DMBT1: variants seen among roughly 807,000 people sequenced by gnomAD.
DMBT1 encodes the protein deleted in malignant brain tumors 1.
In DMBT1, 198 loss-of-function variants were observed where a neutral mutation model predicts 252.9. The ratio of observed to expected loss-of-function variants is 0.78; its 90% CI spans 0.70 to 0.88. DMBT1 has a LOEUF of 0.88. Ranked by LOEUF, DMBT1 falls within the 40% of genes least tolerant of loss-of-function variation. The probability of loss-of-function intolerance (pLI) is 0.00; values close to 1 mark genes in which losing one functional copy is unlikely to be tolerated. For synonymous variants in DMBT1, 990 were observed against 942.7 expected (o/e 1.05, Z -0.92); for missense variants, 2,432 against 2,404.7 (o/e 1.01, Z -0.24).
chr10:122,597,333 T>A (rs3013248), intron 24 of DMBT1, among the ~76,000 whole-genome samples: 26 of 152,256 alleles, frequency 1.7e-4, no homozygotes, highest in South Asian at 1.5e-3. Flanking sequence ...TCATATTTAA[T>A]TAGCTTTGGC....
intron 17 of DMBT1, 42 bp from the exon 18 acceptor site, chr10:122,590,623 C>G: frequency 6.3e-7 from 1 of 1,584,964 alleles, no homozygotes; most frequent in Non-Finnish European, 8.6e-7. Context: ...GTTTTGCCAG[C>G]TTCTGTATAG....
Position 122,600,559 on chromosome 10 carries a change from TG to T in DMBT1, c.3311-429del, listed in dbSNP as rs2097940288. Reference sequence around the variant, plus strand: ...ATCCAGAAAAGGCAGAGTTTGTGCTTGGGCAGGGAGAGGGATAATAAAGGTT... The same window carrying T: ...ATCCAGAAAAGGCAGAGTTTGTGCTTGGCAGGGAGAGGGATAATAAAGGTT... On this transcript the variant is annotated intron_variant, in intron 27 of 55. Transcript: ENST00000338354. 4.6e-5 allele frequency among the ~76,000 whole-genome samples: 7 copies of T among 152,320 alleles called. No homozygotes were observed. In the South Asian group the frequency reaches 1.5e-3, roughly 32 times the overall value.
intron 49 of DMBT1, 104 bp from the exon 50 acceptor site, chr10:122,631,751 G>A (rs1470929325): frequency 1.2e-5 from 16 of 1,314,776 alleles, no homozygotes; most frequent in African/African-American, 2.9e-5. Context: ...CCCTCGCCGA[G>A]GGGGGTCAGG....
At chr10:122,571,639 G>A (rs1367918704) in intron 4 of DMBT1, among the ~76,000 whole-genome samples, 1 of 152,300 alleles carries the variant, frequency 6.6e-6, no homozygotes, top group Non-Finnish European at 1.5e-5. Flanking sequence ...GACACCAAGA[G>A]ATTTCTTTAA....
At chr10:122,598,687 A>T in intron 25 of DMBT1, 87 bp from the exon 26 acceptor site, 2 of 1,599,606 alleles carry the variant, frequency 1.3e-6, no homozygotes, top group Middle Eastern at 2.3e-4. Flanking sequence ...GACTTTAGCC[A>T]TTAGGACATG....
At chr10:122,638,727 A>G (rs1164225068) in intron 54 of DMBT1, among the ~76,000 whole-genome samples, 1 of 152,212 alleles carries the variant, frequency 6.6e-6, no homozygotes, top group African/African-American at 2.4e-5. Flanking sequence ...TACGGGCATG[A>G]ACCACTGCTC....
chr10:122,625,359 T>C, intron 45 of DMBT1, 56 bp downstream of exon 45: 1 of 1,542,478 alleles, frequency 6.5e-7, no homozygotes, highest in Middle Eastern at 1.7e-4. Context: ...CCACCCTCTC[T>C]TGTTTCCAGA....
chr10:122,627,750 A>G (rs1297566642), intron 46 of DMBT1, among the ~76,000 whole-genome samples: 1 of 152,260 alleles, frequency 6.6e-6, no homozygotes, highest in Non-Finnish European at 1.5e-5. Context: ...CATGATCTTC[A>G]AGAAACACTG....
Position 122,590,671 on chromosome 10 carries a change from A to T in DMBT1, c.2114A>T (p.Gln705Leu). 6.3e-7 allele frequency: 1 copy of T among 1,587,910 alleles called. No individual in the cohort carries two copies. Among genetic ancestry groups the T allele is most frequent in the African/African-American group, 1.3e-5 (1 of 74,594 alleles). Residue 705 changes from glutamine (Q) to leucine (L), a missense_variant, in exon 18 of 56, where the codon CAG becomes CTG. Physicochemically the swap from Gln to Leu is moderately radical, Grantham distance 113. Around this residue, in one of 3 missense-constraint regions of DMBT1, gnomAD observed 1,264 missense variants for 1,082.2 expected, o/e 1.17. Transcript: ENST00000338354. ...EDAGVICSAA[Q>L]SRSTPRPDTL... is the part of the protein sequence containing the mutation. ...GACCTCCTCTTTCTCACAGCTGCCCAGTCCCGGTCGACGCCCAGGCCAGGT... is the reference window on the plus strand; with the variant it reads ...GACCTCCTCTTTCTCACAGCTGCCCTGTCCCGGTCGACGCCCAGGCCAGGT...
rs778761716 is a variant in DMBT1, at chr10:122,640,446, G to A, written c.7349G>A (p.Ser2450Asn). The part of the protein sequence containing the change: ...FTSLTYDLIR[S>N]GCVRDDTYGP... Reference sequence around the variant, plus strand: ...TCTTTGACTTATGATCTAATCCGGAGTGGGTAAGGAGTGTCTTTATGCGAT... The same window carrying A: ...TCTTTGACTTATGATCTAATCCGGAATGGGTAAGGAGTGTCTTTATGCGAT... Residue 2450 changes from serine (S) to asparagine (N), a missense_variant, in exon 55 of 56, where the codon AGT becomes AAT. Physicochemically the swap from Ser to Asn is conservative, Grantham distance 46. Transcript: ENST00000338354. 4 of 1,611,366 alleles carry A rather than the reference G, an allele frequency of 2.5e-6. No individual in the cohort carries two copies. The highest frequency in any genetic ancestry group is 3.4e-6 in the Non-Finnish European group (4 of 1,178,906).
At position 122,598,983 on chromosome 10, in the gene DMBT1, G is replaced by C. The variant is rs2097912832; in HGVS notation, c.3166G>C (p.Val1056Leu). The C allele has an allele frequency of 6.2e-7, 1 of 1,613,770 alleles. No homozygotes were observed. The highest frequency in any genetic ancestry group is 1.1e-5 in the South Asian group (1 of 91,072). ...ARFGQGSGPI[V>L]LDDVRCSGHE... is the part of the protein sequence containing the mutation. ...GTTTGGTCAGGGCTCAGGACCCATTGTCCTGGATGATGTGCGCTGCTCAGG... is the reference window on the plus strand; with the variant it reads ...GTTTGGTCAGGGCTCAGGACCCATTCTCCTGGATGATGTGCGCTGCTCAGG... The change falls in exon 26 of 56, where the codon GTC becomes CTC. Residue 1056 changes from valine to leucine, a missense_variant. Physicochemically the swap from Val to Leu is conservative, Grantham distance 32. This residue lies in a region of DMBT1 where 1,264 missense variants were observed against 1,082.2 expected (regional missense o/e 1.17). Transcript: ENST00000338354.
intron 20 of DMBT1, among the ~76,000 whole-genome samples, chr10:122,592,962 C>G (rs12770913): frequency 0.064 from 9,580 of 148,618 alleles, 1,197 homozygotes; most frequent in South Asian, 0.15. Context: ...GGAATCCTCT[C>G]ACTGAGAGGA....
intron 20 of DMBT1, among the ~76,000 whole-genome samples, chr10:122,593,123 G>A (rs1195701920): frequency 2.0e-5 from 3 of 148,948 alleles, no homozygotes; most frequent in Non-Finnish European, 4.5e-5. Flanking sequence ...TTGACCTCAG[G>A]TCCTCTCAGA....
intron 52 of DMBT1, 83 bp from the exon 53 acceptor site, chr10:122,635,908 G>T (rs2098223311): frequency 1.4e-6 from 2 of 1,460,748 alleles, no homozygotes; most frequent in South Asian, 2.4e-5. Flanking sequence ...CTGGCACAGA[G>T]GTGTGACCCC....
At chr10:122,631,392 G>A (rs2098163924) in intron 49 of DMBT1, 111 bp downstream of exon 49, 4 of 1,384,004 alleles carry the variant, frequency 2.9e-6, no homozygotes, top group South Asian at 2.6e-5. Context: ...TGGTCATTGT[G>A]TCCTCGTGGC....
At chr10:122,573,571 T>C (rs1175198132) in intron 5 of DMBT1, 144 bp from the exon 6 acceptor site, 1 of 1,007,794 alleles carries the variant, frequency 9.9e-7, no homozygotes, top group East Asian at 2.4e-5. Flanking sequence ...GACAAAGCGA[T>C]TGGCACATGG....
chr10:122,625,286 T>G lies in DMBT1; in HGVS notation c.5618T>G (p.Ile1873Arg). The G allele has an allele frequency of 6.2e-7, 1 of 1,611,364 alleles. No individual in the cohort carries two copies. The highest frequency in any genetic ancestry group is 1.3e-5 in the African/African-American group (1 of 75,038). Reference protein sequence around the residue: ...DAGVICSATQINSTTTDWWHP... With the variant: ...DAGVICSATQRNSTTTDWWHP... Reference sequence around the variant, plus strand: ...CTTCTTTTCCTTGCAGCCACCCAAATAAATTCTACTACGACAGGTGAGTCT... The same window carrying G: ...CTTCTTTTCCTTGCAGCCACCCAAAGAAATTCTACTACGACAGGTGAGTCT... The change falls in exon 45 of 56, where the codon ATA becomes AGA. Residue 1873 changes from isoleucine to arginine, a missense_variant. Transcript: ENST00000338354.
chr10:122,588,211 C>A (rs912470364), intron 16 of DMBT1, among the ~76,000 whole-genome samples: 1 of 148,200 alleles, frequency 6.7e-6, no homozygotes, highest in Admixed American at 6.7e-5. Flanking sequence ...TACTTCTGGA[C>A]AAATGTTTTT....
chr10:122,573,706 A>G lies in DMBT1; in HGVS notation c.236-9A>G. The stretch of plus-strand genomic sequence containing the variant: ...CGATCAATGAGCTCTTCCTTTCTCC[A>G]CCCTGCAGGTTCTCTGATTCCCTCA... On this transcript the variant is annotated splice_polypyrimidine_tract_variant and intron_variant, in intron 5 of 55. Coordinates refer to ENST00000338354, the MANE Select transcript of DMBT1 (RefSeq NM_001377530.1). 6.2e-7 allele frequency: 1 copy of G among 1,613,698 alleles called. No homozygotes were observed. Among genetic ancestry groups the G allele is most frequent in the Non-Finnish European group, 8.5e-7 (1 of 1,179,792 alleles).
Sources: allele counts gnomAD v4.1 joint callset (sites outside exome capture counted in the v4.1 genomes callset), GRCh38; gene constraint gnomAD v4.1.1; regional missense constraint gnomAD v4.1.1; transcripts MANE v1.5; gene names NCBI Gene and HGNC (gene_info 2026-07-23, HGNC 2026-07-21).